Variants in TCHP observed in about 807,000 individuals in gnomAD.
TCHP encodes trichoplein keratin filament binding, also known as trichoplein keratin filament-binding protein.
A neutral mutation model predicts 88.7 loss-of-function variants in TCHP; 81 were observed. The ratio of observed to expected loss-of-function variants is 0.91; its 90% CI spans 0.76 to 1.10. The LOEUF (loss-of-function observed/expected upper bound fraction) is 1.10. TCHP is among the 50% of genes least tolerant of loss of function. TCHP has a pLI of 0.00. For synonymous variants in TCHP, 232 were observed against 232.5 expected, an observed-to-expected ratio of 1.00 and a Z score of 0.02; for missense variants, 641 against 632.1, an observed-to-expected ratio of 1.01 and a Z score of -0.15.
chr12:109,917,010 A>G lies in TCHP; in HGVS notation c.*387A>G, dbSNP rs1158218863. On this transcript the variant is annotated 3_prime_UTR_variant, in exon 13 of 13. Transcript: ENST00000405876. ...AACCTCCAGTGTTGACTCTAGAAAT[A>G]TGAGGAAAGCTTTTCAGTTTTTAAA... 5.5e-6 allele frequency: 1 copy of G among 182,302 alleles called. No individual in the cohort carries two copies. Among genetic ancestry groups the G allele is most frequent in the Admixed American group, 6.2e-5 (1 of 16,186 alleles). The allele number at this position is 182,302 out of a possible 1,614,324, so 11.3% of individuals were successfully genotyped here.
upstream of TCHP, chr12:109,900,167 AAGG>A (rs1450180710): frequency 6.6e-6 from 1 of 152,252 alleles, no homozygotes; most frequent in Non-Finnish European, 1.5e-5. Flanking sequence ...TCCCTATTTC[AAGG>A]AGCAGCGACG....
At chr12:109,893,678 G>A in the TCHP span, among the ~76,000 whole-genome samples, 5 of 152,296 alleles carry the variant, frequency 3.3e-5, no homozygotes, top group African/African-American at 9.6e-5. Flanking sequence ...CTCTCTAGGA[G>A]AGCCTGACCG....
the TCHP span, among the ~76,000 whole-genome samples, chr12:109,894,917 A>T: frequency 1.3e-5 from 2 of 151,088 alleles, no homozygotes; most frequent in Admixed American, 6.6e-5. Context: ...CTGCAGCATG[A>T]CTGTGCCATC....
At chr12:109,914,684 A>C (rs1752371759) in intron 11 of TCHP, 57 bp downstream of exon 11, 1 of 1,484,798 alleles carries the variant, frequency 6.7e-7, no homozygotes, top group African/African-American at 1.4e-5. Context: ...CTGCATCATC[A>C]TGGGACAGGG....
the TCHP span, among the ~76,000 whole-genome samples, chr12:109,892,820 C>T: frequency 1.3e-5 from 2 of 152,208 alleles, no homozygotes; most frequent in Non-Finnish European, 2.9e-5. Flanking sequence ...CCTAGAGACA[C>T]TGTGAGGATG....
intron 5 of TCHP, 27 bp downstream of exon 5, chr12:109,906,667 C>T (rs371209790): frequency 7.4e-5 from 117 of 1,581,270 alleles, no homozygotes; most frequent in Admixed American, 2.8e-4. Context: ...TGGGAATAGC[C>T]GCGTATTCTG....
chr12:109,904,076 A>T lies in TCHP; in HGVS notation c.328A>T (p.Asn110Tyr). 1 of 1,600,926 alleles carries T rather than the reference A, an allele frequency of 6.2e-7. No homozygotes were observed. The highest frequency in any genetic ancestry group is 8.5e-7 in the Non-Finnish European group (1 of 1,173,660). The part of the protein sequence containing the change: ...RELEELRLSM[N>Y]LQERRIREQH... ...ACTGGAGGAGCTGAGGCTGAGCATG[A>T]ACTTGCAGGAAAGAAGAATCCGGGA... is the stretch of plus-strand genomic sequence containing the variant. Residue 110 changes from asparagine (N) to tyrosine (Y), a missense_variant, in exon 3 of 13, where the codon AAC becomes TAC. Physicochemically the swap from Asn to Tyr is moderately radical, Grantham distance 143. Transcript: ENST00000405876.
chr12:109,908,556 C>A, intron 6 of TCHP, 30 bp from the exon 7 acceptor site: 1 of 1,544,078 alleles, frequency 6.5e-7, no homozygotes, highest in Non-Finnish European at 8.8e-7. Flanking sequence ...TCTCAGATCT[C>A]AGTCGAGCTT....
At chr12:109,884,568 G>T in the TCHP span, among the ~76,000 whole-genome samples, 2 of 152,158 alleles carry the variant, frequency 1.3e-5, no homozygotes, top group African/African-American at 4.8e-5. Flanking sequence ...TCATCCCCCA[G>T]AGCTGCTAGC....
At position 109,913,011 on chromosome 12, in the gene TCHP, G is replaced by A; in HGVS notation, c.1073G>A (p.Trp358Ter). The A allele has an allele frequency of 1.2e-6, 2 of 1,613,940 alleles. No individual in the cohort carries two copies. The highest frequency in any genetic ancestry group is 1.7e-6 in the Non-Finnish European group (2 of 1,179,980). The change falls in exon 10 of 13, where the codon TGG becomes TAG. Residue 358 changes from tryptophan to a stop codon, truncating the protein, a stop_gained. Coordinates refer to ENST00000405876, the MANE Select transcript of TCHP (RefSeq NM_001143852.2). LOFTEE classifies it high-confidence loss of function. ...CCCAGGGAGGAGGCCAAGGAGATGT[G>A]GGAAAAGAGAGAGGCAGAGTGGGCC... ...MLLREEAKEMWEKREAEWARE... is the reference protein window; with the variant it reads ...MLLREEAKEM
intron 11 of TCHP, 86 bp from the exon 12 acceptor site, chr12:109,915,317 G>A (rs1024843046): frequency 1.3e-6 from 2 of 1,592,424 alleles, no homozygotes; most frequent in Non-Finnish European, 1.7e-6. Flanking sequence ...GTCTGGGTAG[G>A]GCCGCAGGCT....
At chr12:109,910,950 T>G in intron 8 of TCHP, 113 bp from the exon 9 acceptor site, 1 of 1,386,064 alleles carries the variant, frequency 7.2e-7, no homozygotes, top group South Asian at 1.6e-5. Flanking sequence ...GAACACTGTG[T>G]AGAATCACGA....
intron 1 of TCHP, among the ~76,000 whole-genome samples, chr12:109,902,712 G>A (rs1869874945): frequency 6.6e-6 from 1 of 152,188 alleles, no homozygotes. Context: ...CTGACCTCGT[G>A]ATCTGCCCAC....
intron 5 of TCHP, 47 bp downstream of exon 5, chr12:109,906,687 A>G: frequency 6.7e-7 from 1 of 1,498,164 alleles, no homozygotes. Flanking sequence ...GCTGTGCGAG[A>G]CTGTTCACGT....
rs909030035 is a variant in TCHP at position 109,917,677 on chromosome 12, A to G, written c.*1054A>G. On this transcript the variant is annotated 3_prime_UTR_variant, in exon 13 of 13. Coordinates refer to ENST00000405876, the MANE Select transcript of TCHP (RefSeq NM_001143852.2). The stretch of plus-strand genomic sequence containing the variant: ...ATCAGCGTGATACAGGTCTACATTC[A>G]TTTCTACAAACAGGAACAAGTTCCT... 3 of 152,582 alleles carry G rather than the reference A, an allele frequency of 2.0e-5. No homozygotes were observed. The highest frequency in any genetic ancestry group is 7.2e-5 in the African/African-American group (3 of 41,422). 9.5% of individuals were successfully genotyped at this position (152,582 alleles called of 1,614,324 possible).
At chr12:109,892,895 C>G in the TCHP span, among the ~76,000 whole-genome samples, 1 of 152,204 alleles carries the variant, frequency 6.6e-6, no homozygotes, top group Admixed American at 6.5e-5. Flanking sequence ...TTGGCTGAGT[C>G]TCCTCCTCTT....
At chr12:109,902,275 A>G (rs1280401900) in intron 1 of TCHP, among the ~76,000 whole-genome samples, 1 of 152,080 alleles carries the variant, frequency 6.6e-6, no homozygotes, top group East Asian at 1.9e-4. Context: ...GGCTCAAGCA[A>G]TCCTCCTGCC....
chr12:109,899,057 A>G (rs1428389648), upstream of TCHP, among the ~76,000 whole-genome samples: 1 of 151,914 alleles, frequency 6.6e-6, no homozygotes, highest in Non-Finnish European at 1.5e-5. Flanking sequence ...GACCTCAGGT[A>G]ATCCACCCTC....
Position 109,916,821 on chromosome 12 carries a change from CCTTT to C in TCHP, c.*202_*205del. The stretch of plus-strand genomic sequence containing the variant: ...AGGTGTCGTGAGAGTCCCTTTCATG[CCTTT>C]CTTACCCAAGCAAGGGTCTTTGATG... On this transcript the variant is annotated 3_prime_UTR_variant, in exon 13 of 13. Coordinates refer to ENST00000405876, the MANE Select transcript of TCHP (RefSeq NM_001143852.2). 1.7e-6 allele frequency: 1 copy of C among 580,146 alleles called. No homozygotes were observed. The highest frequency in any genetic ancestry group is 3.0e-6 in the Non-Finnish European group (1 of 329,236). The allele number at this position is 580,146 out of a possible 1,614,324, so 35.9% of individuals were successfully genotyped here.
Sources: allele counts gnomAD v4.1 joint callset (sites outside exome capture counted in the v4.1 genomes callset), GRCh38; gene constraint gnomAD v4.1.1; transcripts MANE v1.5; gene names NCBI Gene and HGNC (gene_info 2026-07-23, HGNC 2026-07-21).